The following CTNNA3 variants were observed in gnomAD, a reference collection of about 807,000 sequenced individuals.
CTNNA3 encodes the protein catenin alpha 3.
In CTNNA3, 76 loss-of-function variants were observed where a neutral mutation model predicts 95.7. The observed-to-expected ratio is 0.79, with a 90% CI of 0.66 to 0.96. The LOEUF (loss-of-function observed/expected upper bound fraction) is 0.96, where lower values mean the gene tolerates loss of function less well. Among genes scored for constraint, CTNNA3 ranks in the 40% least tolerant of loss-of-function variants. The pLI is 0.00. For missense variants in CTNNA3, 1,191 were observed against 1,089.8 expected (o/e 1.09, Z -1.31); for synonymous variants, 431 against 374.4 (o/e 1.15, Z -1.74).
chr10:67,455,079 C>A (rs777777870), intron 5 of CTNNA3, among the ~76,000 whole-genome samples: 2 of 152,024 alleles, frequency 1.3e-5, no homozygotes, highest in Non-Finnish European at 2.9e-5. Context: ...AAAATTCTTT[C>A]TAAAGGAATT....
At chr10:67,689,536 G>A (rs949247918) in intron 1 of CTNNA3, among the ~76,000 whole-genome samples, 4 of 152,166 alleles carry the variant, frequency 2.6e-5, no homozygotes, top group African/African-American at 9.7e-5. Context: ...TTGTCTGACA[G>A]GCATTAGGAC....
intron 7 of CTNNA3, among the ~76,000 whole-genome samples, chr10:66,943,897 T>A (rs1168462240): frequency 2.6e-5 from 4 of 152,202 alleles, no homozygotes; most frequent in African/African-American, 9.7e-5. Context: ...AAAAATACTT[T>A]ATTGCTAAAA....
chr10:66,620,159 G>A lies in CTNNA3; in HGVS notation c.1374+1533C>T, dbSNP rs778719392. Reference sequence around the variant, plus strand: ...AAATTTGTTGATAGAATGTCTTAACGAGGTACAAAACCACAAACCAGGACA... The same window carrying A: ...AAATTTGTTGATAGAATGTCTTAACAAGGTACAAAACCACAAACCAGGACA... On this transcript the variant is annotated intron_variant, in intron 10 of 17. Coordinates refer to ENST00000433211, the MANE Select transcript of CTNNA3 (RefSeq NM_013266.4). Among the ~76,000 whole-genome samples the A allele has an allele frequency of 3.9e-5, 6 of 152,046 alleles. 1 individual carries two copies. Among genetic ancestry groups the A allele is most frequent in the Admixed American group, 2.0e-4 (3 of 15,262 alleles).
intron 11 of CTNNA3, among the ~76,000 whole-genome samples, chr10:66,477,316 A>G (rs1839362224): frequency 6.6e-6 from 1 of 152,054 alleles, no homozygotes; most frequent in African/African-American, 2.4e-5. Context: ...TATCTTTTGA[A>G]TCTTTTATAT....
chr10:65,980,419 A>G (rs1307573042), intron 16 of CTNNA3, among the ~76,000 whole-genome samples: 2 of 152,110 alleles, frequency 1.3e-5, no homozygotes, highest in Non-Finnish European at 1.5e-5. Context: ...AGGAATTGAT[A>G]CCAATCCGAT....
chr10:66,570,446 G>A (rs1050213001), intron 10 of CTNNA3, among the ~76,000 whole-genome samples: 9 of 151,940 alleles, frequency 5.9e-5, no homozygotes, highest in South Asian at 2.1e-4. Context: ...ATGCCACCAC[G>A]CACAGCTAAT....
At position 66,571,943 on chromosome 10, in the gene CTNNA3, A is replaced by G. The variant is rs145886375; in HGVS notation, c.1374+49749T>C. On this transcript the variant is annotated intron_variant, in intron 10 of 17. Coordinates refer to ENST00000433211, the MANE Select transcript of CTNNA3 (RefSeq NM_013266.4). ...TTAAACAATTAATTAGTGTGTATTC[A>G]TACTAGTTGTACATATTTATGAGGC... 2.4e-3 allele frequency among the ~76,000 whole-genome samples: 362 copies of G among 152,324 alleles called. 3 individuals carry two copies. Among genetic ancestry groups the G allele is most frequent in the African/African-American group, 8.0e-3 (333 of 41,576 alleles).
At chr10:67,633,361 C>T (rs1174458206) in intron 2 of CTNNA3, among the ~76,000 whole-genome samples, 2 of 152,198 alleles carry the variant, frequency 1.3e-5, no homozygotes, top group South Asian at 4.1e-4. Context: ...TCACTCCCCG[C>T]CCCAACGCAG....
intron 11 of CTNNA3, among the ~76,000 whole-genome samples, chr10:66,387,986 C>A (rs565345428): frequency 6.6e-6 from 1 of 151,986 alleles, no homozygotes; most frequent in Non-Finnish European, 1.5e-5. Context: ...AGGAGAAACA[C>A]CTAATGTAAA....
intron 15 of CTNNA3, among the ~76,000 whole-genome samples, chr10:65,999,083 A>G (rs2078720363): frequency 6.6e-6 from 1 of 152,174 alleles, no homozygotes; most frequent in Non-Finnish European, 1.5e-5. Flanking sequence ...ATTGCTTTGT[A>G]ATAAAAAAAT....
intron 13 of CTNNA3, among the ~76,000 whole-genome samples, chr10:66,187,587 C>G (rs888824932): frequency 6.6e-6 from 1 of 151,518 alleles, no homozygotes; most frequent in Non-Finnish European, 1.5e-5. Flanking sequence ...CAACGTGCAC[C>G]CTGAGCTCCT....
At chr10:67,596,751 T>C (rs1324415179) in intron 3 of CTNNA3, among the ~76,000 whole-genome samples, 2 of 152,238 alleles carry the variant, frequency 1.3e-5, no homozygotes, top group African/African-American at 4.8e-5. Flanking sequence ...GTCTTGGGGA[T>C]AGTCATCTTG....
intron 13 of CTNNA3, among the ~76,000 whole-genome samples, chr10:66,159,939 T>C (rs2084758044): frequency 6.6e-6 from 1 of 152,056 alleles, no homozygotes; most frequent in Non-Finnish European, 1.5e-5. Context: ...TATTCATCTC[T>C]TCTAAGTTTT....
At chr10:66,397,860 G>T (rs893611842) in intron 11 of CTNNA3, among the ~76,000 whole-genome samples, 1 of 151,708 alleles carries the variant, frequency 6.6e-6, no homozygotes, top group Non-Finnish European at 1.5e-5. Flanking sequence ...TGGTCTTTAT[G>T]AAAATAATTT....
intron 11 of CTNNA3, among the ~76,000 whole-genome samples, chr10:66,510,338 A>G (rs1840610469): frequency 7.0e-6 from 1 of 143,024 alleles, no homozygotes; most frequent in Non-Finnish European, 1.6e-5. Flanking sequence ...TTGTTTGCAA[A>G]GAGGGACAAT....
chr10:67,714,196 TCCA>T (rs1257595445), intron 1 of CTNNA3, among the ~76,000 whole-genome samples: 17 of 152,044 alleles, frequency 1.1e-4, no homozygotes, highest in Admixed American at 6.5e-5. Context: ...GAATGGTAGA[TCCA>T]CCAACAGCTT....
chr10:66,815,654 CA>C (rs991859173), intron 7 of CTNNA3, among the ~76,000 whole-genome samples: 3 of 149,922 alleles, frequency 2.0e-5, no homozygotes, highest in Non-Finnish European at 3.0e-5. Flanking sequence ...TAAGTTAGGG[CA>C]AAAAAAAGGC....
chr10:66,626,327 G>A (rs79105848), intron 9 of CTNNA3, among the ~76,000 whole-genome samples: 10,587 of 152,114 alleles, frequency 0.07, 501 homozygotes, highest in Non-Finnish European at 0.1. Context: ...CTTGATGTTT[G>A]CTGAGATTTT....
chr10:66,232,653 T>C (rs994969342), intron 13 of CTNNA3, among the ~76,000 whole-genome samples: 1 of 152,164 alleles, frequency 6.6e-6, no homozygotes, highest in Non-Finnish European at 1.5e-5. Flanking sequence ...TATATACTGA[T>C]ACTAGTGCAA....
Sources: allele counts gnomAD v4.1 joint callset (sites outside exome capture counted in the v4.1 genomes callset), GRCh38; gene constraint gnomAD v4.1.1; transcripts MANE v1.5; gene names NCBI Gene and HGNC (gene_info 2026-07-23, HGNC 2026-07-21).